The following SMARCC1 variants were observed in gnomAD, a reference collection of about 807,000 sequenced individuals.
SMARCC1 encodes the protein SWI/SNF complex subunit SMARCC1.
SMARCC1 carries 43 observed loss-of-function variants against 147.4 expected under a neutral mutation model. The observed-to-expected ratio is 0.29, with a 90% CI of 0.23 to 0.38. The LOEUF is 0.38. SMARCC1 is among the 10% of genes least tolerant of loss of function. SMARCC1 has a pLI of 1.00. For synonymous variants in SMARCC1, 495 were observed against 484.4 expected, an observed-to-expected ratio of 1.02 and a Z score of -0.29; for missense variants, 1,119 against 1,381.1, an observed-to-expected ratio of 0.81 and a Z score of 3.01.
chr3:47,737,027 C>T (rs1053798268), intron 4 of SMARCC1, among the ~76,000 whole-genome samples: 1 of 152,080 alleles, frequency 6.6e-6, no homozygotes, highest in Non-Finnish European at 1.5e-5. Flanking sequence ...ATTTATGGTA[C>T]AACCATGGAA....
At chr3:47,740,187 T>TTTTTTTTTTTTTTTTA (rs2034493073) in intron 3 of SMARCC1, among the ~76,000 whole-genome samples, 1 of 118,670 alleles carries the variant, frequency 8.4e-6, no homozygotes, top group Non-Finnish European at 1.7e-5. Flanking sequence ...TCTTTTTTTT[T>TTTTTTTTTTTTTTTTA]TTTTTTTTTT....
chr3:47,598,862 GACAC>G lies in SMARCC1; in HGVS notation c.3044-8029_3044-8026del, dbSNP rs113400730. On this transcript the variant is annotated intron_variant, in intron 26 of 27. Transcript: ENST00000254480. ...AAAAAAAAAAAAAAAGAGAGAGAGA[GACAC>G]ACACACACACACACACACACACAGA... Among the ~76,000 whole-genome samples the G allele has an allele frequency of 9.4e-5, 12 of 128,128 alleles. No individual in the cohort carries two copies. In the South Asian group the frequency reaches 1.5e-3, roughly 16 times the overall value. 84.1% of individuals were successfully genotyped at this position (128,128 alleles called of 152,430 possible). A position where few individuals can be genotyped will look rare whatever the true frequency, so the allele number is the denominator to read the frequency against.
intron 24 of SMARCC1, among the ~76,000 whole-genome samples, chr3:47,631,097 AGAGAGAGAAG>A (rs1345748740): frequency 6.6e-6 from 1 of 152,088 alleles, no homozygotes; most frequent in African/African-American, 2.4e-5. Context: ...AGAAAGAAAA[AGAGAGAGAAG>A]GAGAGAGAAA....
At chr3:47,589,684 A>G (rs2032145428) in intron 27 of SMARCC1, among the ~76,000 whole-genome samples, 1 of 152,222 alleles carries the variant, frequency 6.6e-6, no homozygotes, top group Admixed American at 6.5e-5. Flanking sequence ...AGAGTCAGAC[A>G]TGTCTCTGTC....
At chr3:47,772,113 G>T (rs2034921163) in intron 2 of SMARCC1, among the ~76,000 whole-genome samples, 1 of 152,068 alleles carries the variant, frequency 6.6e-6, no homozygotes, top group Non-Finnish European at 1.5e-5. Context: ...GAGAAGGGCT[G>T]GTGTGGTGGC....
At chr3:47,696,349 C>A (rs2033852017) in intron 11 of SMARCC1, among the ~76,000 whole-genome samples, 1 of 151,748 alleles carries the variant, frequency 6.6e-6, no homozygotes, top group Non-Finnish European at 1.5e-5. Context: ...ACTCCAACCT[C>A]GGCAACAGAG....
chr3:47,711,497 T>C (rs951702878), intron 8 of SMARCC1, among the ~76,000 whole-genome samples: 4 of 152,200 alleles, frequency 2.6e-5, no homozygotes, highest in African/African-American at 9.7e-5. Flanking sequence ...TAGAAAATTC[T>C]TCCTTGTACA....
At chr3:47,779,564 TA>T (rs1437700973) in intron 1 of SMARCC1, among the ~76,000 whole-genome samples, 1 of 152,208 alleles carries the variant, frequency 6.6e-6, no homozygotes, top group African/African-American at 2.4e-5. Flanking sequence ...ACTTTGTCTA[TA>T]AAGTCTCAGG....
At chr3:47,719,500 A>C (rs1407090587) in intron 7 of SMARCC1, among the ~76,000 whole-genome samples, 1 of 151,786 alleles carries the variant, frequency 6.6e-6, no homozygotes, top group Non-Finnish European at 1.5e-5. Flanking sequence ...CAGGAGTGCA[A>C]GACCAGCCTG....
In SMARCC1 at chr3:47,588,324, A is replaced by AGTAACTCGTTATTGC; in HGVS notation, c.3221-33_3221-19dup. 6.2e-7 allele frequency: 1 copy of AGTAACTCGTTATTGC among 1,607,594 alleles called. No individual in the cohort carries two copies. Among genetic ancestry groups the AGTAACTCGTTATTGC allele is most frequent in the Non-Finnish European group, 8.5e-7 (1 of 1,174,676 alleles). ...AGGGGGATCTGCAAACATATCCAAG[A>AGTAACTCGTTATTGC]GTAACTCGTTATTGCTGGAAATACA... On this transcript the variant is annotated intron_variant, in intron 27 of 27. Coordinates refer to ENST00000254480, the MANE Select transcript of SMARCC1 (RefSeq NM_003074.4).
At chr3:47,747,423 C>A (rs1480434665) in intron 2 of SMARCC1, among the ~76,000 whole-genome samples, 2 of 33,988 alleles carry the variant, frequency 5.9e-5, no homozygotes, top group Admixed American at 8.2e-4. Flanking sequence ...GGCAATAAAA[C>A]CAGAATTTGT....
intron 2 of SMARCC1, among the ~76,000 whole-genome samples, chr3:47,749,608 A>G (rs1576430183): frequency 6.8e-6 from 1 of 147,082 alleles, no homozygotes; most frequent in African/African-American, 2.5e-5. Context: ...TTGAGGCTAC[A>G]GTGAGCTGTG....
chr3:47,665,290 A>G (rs1004980243), intron 19 of SMARCC1, among the ~76,000 whole-genome samples: 6 of 152,198 alleles, frequency 3.9e-5, no homozygotes, highest in Non-Finnish European at 7.3e-5. Flanking sequence ...GATATTCAGT[A>G]ACCTCAGGTA....
Position 47,610,118 on chromosome 3 carries a change from A to AG in SMARCC1, c.2990dup (p.Pro998SerfsTer74), listed in dbSNP as rs752618570. Reference sequence around the variant, plus strand: ...TCTGGTGGTGCATCAGAGGGTAGGGAGGGGGCTGTTGATGAGGCATCATGC... The same window carrying AG: ...TCTGGTGGTGCATCAGAGGGTAGGGAGGGGGGCTGTTGATGAGGCATCATGC... On this transcript the variant is annotated frameshift_variant, in exon 26 of 28. Coordinates refer to ENST00000254480, the MANE Select transcript of SMARCC1 (RefSeq NM_003074.4). LOFTEE classifies it high-confidence loss of function. 1.2e-6 allele frequency: 2 copies of AG among 1,613,268 alleles called. No individual in the cohort carries two copies. The highest frequency in any genetic ancestry group is 1.7e-5 in the Admixed American group (1 of 60,002).
intron 12 of SMARCC1, among the ~76,000 whole-genome samples, chr3:47,692,740 C>T (rs548168364): frequency 2.6e-4 from 39 of 152,082 alleles, no homozygotes; most frequent in Admixed American, 7.9e-4. Flanking sequence ...AAAGGAGTAT[C>T]GGCCAGTCAC....
chr3:47,598,531 A>C (rs1178736647), intron 26 of SMARCC1, among the ~76,000 whole-genome samples: 1 of 151,998 alleles, frequency 6.6e-6, no homozygotes, highest in African/African-American at 2.4e-5. Flanking sequence ...GATTTTATTG[A>C]TTAAAGCTAT....
chr3:47,725,920 G>A (rs961330101), intron 6 of SMARCC1, among the ~76,000 whole-genome samples: 3 of 151,784 alleles, frequency 2.0e-5, no homozygotes, highest in African/African-American at 7.3e-5. Context: ...ACATTAGCTG[G>A]GTGTCGTGGT....
At chr3:47,613,717 T>A (rs1483810418) in intron 25 of SMARCC1, among the ~76,000 whole-genome samples, 1 of 152,116 alleles carries the variant, frequency 6.6e-6, no homozygotes, top group Non-Finnish European at 1.5e-5. Context: ...AACAAAAAAA[T>A]AGGCTCCAGC....
At chr3:47,724,765 C>G (rs1459555520) in intron 6 of SMARCC1, among the ~76,000 whole-genome samples, 1 of 152,140 alleles carries the variant, frequency 6.6e-6, no homozygotes, top group Non-Finnish European at 1.5e-5. Flanking sequence ...CTAAAGATCT[C>G]TTGCACGTGA....
Sources: gnomAD v4.1 joint callset for allele counts (sites outside exome capture counted in the v4.1 genomes callset) on GRCh38, gnomAD v4.1.1 for gene constraint, MANE v1.5 for transcripts, NCBI Gene and HGNC (gene_info 2026-07-23, HGNC 2026-07-21) for gene names.